The following ARL10 variants were observed in gnomAD, a reference collection of about 807,000 sequenced individuals.
The protein encoded by ARL10 is ARF like GTPase 10.
ARL10 carries 23 observed loss-of-function variants against 26.1 expected under a neutral mutation model. The ratio of observed to expected loss-of-function variants is 0.88; its 90% CI spans 0.63 to 1.25. The LOEUF is 1.25. Among genes scored for constraint, ARL10 ranks in the 50% most tolerant of loss-of-function variants. The pLI is 0.00. For missense variants in ARL10, 300 were observed against 323.6 expected (o/e 0.93, Z 0.56); for synonymous variants, 138 against 149.1 (o/e 0.93, Z 0.54).
chr5:176,410,056 A>C, the ARL10 span, among the ~76,000 whole-genome samples: 1 of 152,118 alleles, frequency 6.6e-6, no homozygotes. Context: ...ATCAATCTCG[A>C]TCTCTAGTGG....
At chr5:176,410,247 C>T in the ARL10 span, 1 of 1,613,634 alleles carries the variant, frequency 6.2e-7, no homozygotes, top group Non-Finnish European at 8.5e-7. Flanking sequence ...TGAGACAGAG[C>T]CTTGCTTACC....
chr5:176,390,141 C>T (rs1756203856), downstream of ARL10, among the ~76,000 whole-genome samples: 1 of 135,900 alleles, frequency 7.4e-6, no homozygotes, highest in African/African-American at 2.8e-5. Flanking sequence ...GAGATCGCGC[C>T]ATTGCACTTC....
chr5:176,369,234 G>GT, intron 3 of ARL10: 3 of 1,452,854 alleles, frequency 2.1e-6, no homozygotes, highest in Admixed American at 2.2e-5. Flanking sequence ...ATGGTGTTTT[G>GT]TTTTTGTTTT....
At position 176,387,367 on chromosome 5, in the gene ARL10, T is replaced by C. The variant is rs756529792; in HGVS notation, c.37-928T>C. On this transcript the variant is annotated intron_variant, in intron 1 of 1. Transcript: ENST00000503175. ...AACACAATCTTGGTGACAAGGACTTTGTGTTTTGTTCTCTATTAAATCCCC... is the reference window on the plus strand; with the variant it reads ...AACACAATCTTGGTGACAAGGACTTCGTGTTTTGTTCTCTATTAAATCCCC... 3.2e-4 allele frequency among the ~76,000 whole-genome samples: 48 copies of C among 152,232 alleles called. 1 individual carries two copies. Among genetic ancestry groups the C allele is most frequent in the Non-Finnish European group, 2.1e-4 (14 of 68,032 alleles).
chr5:176,397,835 T>A lies in ARL10; in HGVS notation c.134-3906T>A. 4.8e-6 allele frequency: 7 copies of A among 1,463,632 alleles called. No homozygotes were observed. In the South Asian group the frequency reaches 8.0e-5, roughly 17 times the overall value. The allele number at this position is 1,463,632 out of a possible 1,614,324, so 90.7% of individuals were successfully genotyped here. ...AGGGCCGCACCGGCCCAGTCCCACA[T>A]TAAGGCATGCAGCATCCCATGCACT... On this transcript the variant is annotated intron_variant, in intron 1 of 1. Coordinates refer to the ARL10 transcript ENST00000514533.
downstream of ARL10, chr5:176,386,885 C>T (rs748973633): frequency 3.7e-6 from 6 of 1,614,136 alleles, no homozygotes; most frequent in Non-Finnish European, 5.1e-6. Context: ...GGCCTCTCCT[C>T]TATGTCCACC....
At chr5:176,387,692 A>G (rs2113597106) in intron 1 of ARL10, among the ~76,000 whole-genome samples, 1 of 152,306 alleles carries the variant, frequency 6.6e-6, no homozygotes, top group East Asian at 1.9e-4. Context: ...GGCCAGGCGG[A>G]TCACTTGAGG....
chr5:176,387,028 G>A, intron 1 of ARL10: 1 of 819,828 alleles, frequency 1.2e-6, no homozygotes, highest in Non-Finnish European at 2.1e-6. Flanking sequence ...TTAGGTAGAA[G>A]TAGGTAACAA....
chr5:176,367,835 A>C (rs944216491), intron 2 of ARL10: 13 of 498,082 alleles, frequency 2.6e-5, no homozygotes, highest in African/African-American at 1.6e-4. Flanking sequence ...TTTCTGTTTT[A>C]TTTCTTTCCT....
chr5:176,398,977 G>T (rs1157398659), intron 1 of ARL10, among the ~76,000 whole-genome samples: 1 of 151,706 alleles, frequency 6.6e-6, no homozygotes, highest in Non-Finnish European at 1.5e-5. Context: ...TGAGTAGCTG[G>T]GATTACAGGC....
chr5:176,388,378 C>T (rs2113602237), exon 2 of ARL10: 1 of 1,613,106 alleles, frequency 6.2e-7, no homozygotes, highest in South Asian at 1.1e-5. Flanking sequence ...GATCCGTCAT[C>T]TCGCGGACCG....
chr5:176,388,604 AC>A, exon 2 of ARL10: 1 of 1,478,810 alleles, frequency 6.8e-7, no homozygotes, highest in Non-Finnish European at 9.3e-7. Context: ...CGTGTAACAA[AC>A]TCCTTCCGGA....
chr5:176,390,803 C>T (rs1459574895), downstream of ARL10, among the ~76,000 whole-genome samples: 1 of 152,136 alleles, frequency 6.6e-6, no homozygotes, highest in East Asian at 1.9e-4. Context: ...GAGAAGCAGT[C>T]TGGTACAGTG....
At chr5:176,390,308 A>G (rs143999130), downstream of ARL10, among the ~76,000 whole-genome samples, 675 of 152,168 alleles carry the variant, frequency 4.4e-3, 5 homozygotes, top group Non-Finnish European at 6.4e-3. Flanking sequence ...CAGTAGGACA[A>G]CCTTCCTTCA....
downstream of ARL10, chr5:176,384,134 C>T (rs41275275): frequency 2.5e-6 from 4 of 1,612,394 alleles, no homozygotes; most frequent in Non-Finnish European, 3.4e-6. Context: ...TGGCCAGCTC[C>T]TCTGGAGCCA....
the ARL10 span, chr5:176,407,410 T>A: frequency 6.6e-6 from 1 of 152,262 alleles, no homozygotes; most frequent in Admixed American, 6.5e-5. Context: ...TTCAAGCAGT[T>A]CTCCTGCCTC....
rs1294016546 is a variant in ARL10 at position 176,394,445 on chromosome 5, G to A, written c.134-7296G>A. On this transcript the variant is annotated intron_variant, in intron 1 of 1. Transcript: ENST00000514533. ...CCAGCACTTTGGGAGGCAGAGGCGG[G>A]TGGATCACTTGAGGTCAGGAGTTCG... Among the ~76,000 whole-genome samples the A allele has an allele frequency of 2.4e-4, 36 of 152,318 alleles. 1 individual carries two copies. Among genetic ancestry groups the A allele is most frequent in the Admixed American group, 2.1e-3 (32 of 15,306 alleles).
chr5:176,393,755 G>A lies in ARL10; in HGVS notation c.134-7986G>A, dbSNP rs1270700339. 2.0e-5 allele frequency among the ~76,000 whole-genome samples: 3 copies of A among 152,206 alleles called. No homozygotes were observed. In the East Asian group the frequency reaches 5.8e-4, roughly 29 times the overall value. ...TCAGAAGTTCTGGTTGACAGTCACA[G>A]AAGCCACTGACTAAGGGACAGTGGG... On this transcript the variant is annotated intron_variant, in intron 1 of 1. Coordinates refer to the ARL10 transcript ENST00000514533. This position sits in a 1 kb window ranked among gnomAD's most constrained non-coding sequence, Gnocchi z 4.4.
At chr5:176,402,101 G>A (rs867614202), downstream of ARL10, among the ~76,000 whole-genome samples, 30 of 152,052 alleles carry the variant, frequency 2.0e-4, no homozygotes, top group African/African-American at 5.6e-4. Context: ...TCAGGAGTTC[G>A]AGACCACCCT....
Sources: gnomAD v4.1 joint callset for allele counts (sites outside exome capture counted in the v4.1 genomes callset) on GRCh38, gnomAD v4.1.1 for gene constraint, Gnocchi (gnomAD v3.1) non-coding constraint, MANE v1.5 for transcripts, NCBI Gene and HGNC (gene_info 2026-07-23, HGNC 2026-07-21) for gene names.